The following ME3 variants were observed in gnomAD, a reference collection of about 807,000 sequenced individuals.
ME3 encodes malic enzyme 3, also known as NADP-dependent malic enzyme, mitochondrial.
ME3 carries 48 observed loss-of-function variants against 68.9 expected under a neutral mutation model. That is an observed-to-expected ratio of 0.70 (90% CI 0.55 to 0.89). The LOEUF is 0.89. ME3 is among the 40% of genes least tolerant of loss of function. ME3 has a pLI of 0.00. For missense variants in ME3, 675 were observed against 797.4 expected (o/e 0.85, Z 1.85); for synonymous variants, 320 against 318.8 (o/e 1.00, Z -0.04).
intron 7 of ME3, among the ~76,000 whole-genome samples, chr11:86,480,897 G>A (rs762745368): frequency 1.3e-5 from 2 of 152,232 alleles, no homozygotes; most frequent in South Asian, 4.2e-4. Context: ...CTTTCCTAAT[G>A]TAGGTCCCTG....
chr11:86,637,963 T>G (rs1207783844), intron 2 of ME3, among the ~76,000 whole-genome samples: 4 of 84,868 alleles, frequency 4.7e-5, no homozygotes, highest in African/African-American at 2.0e-4. Flanking sequence ...GACATGCTCA[T>G]GCATACACAC....
chr11:86,514,355 A>G (rs1260548604), intron 4 of ME3, among the ~76,000 whole-genome samples: 1 of 152,164 alleles, frequency 6.6e-6, no homozygotes, highest in African/African-American at 2.4e-5. Context: ...GCAGACACTA[A>G]CCCCTCTGCA....
chr11:86,642,045 A>C (rs933238326), intron 2 of ME3, among the ~76,000 whole-genome samples: 2 of 152,214 alleles, frequency 1.3e-5, no homozygotes, highest in Non-Finnish European at 2.9e-5. Flanking sequence ...AGGCAAGCTA[A>C]AATTCAACCC....
chr11:86,552,770 C>G (rs1016054504), intron 4 of ME3, among the ~76,000 whole-genome samples: 2 of 152,186 alleles, frequency 1.3e-5, no homozygotes, highest in African/African-American at 4.8e-5. Context: ...TAACAAGTGT[C>G]ATAATGTTTT....
intron 2 of ME3, among the ~76,000 whole-genome samples, chr11:86,603,798 G>A (rs9667498): frequency 1 from 151,874 of 151,884 alleles, 75,932 homozygotes; most frequent in Non-Finnish European, 1. Context: ...CTTTGTAGGG[G>A]CATGGATGAA....
intron 2 of ME3, among the ~76,000 whole-genome samples, chr11:86,637,399 T>C (rs553371456): frequency 6.8e-6 from 1 of 146,000 alleles, no homozygotes; most frequent in African/African-American, 2.5e-5. Context: ...ATAAGTGCCA[T>C]GGCAGTGGAA....
chr11:86,445,467 G>C (rs963688058), intron 13 of ME3, among the ~76,000 whole-genome samples: 1 of 152,246 alleles, frequency 6.6e-6, no homozygotes. Flanking sequence ...GCCTCAGTGA[G>C]AAGGAAATGC....
chr11:86,644,647 T>C (rs1432370767), intron 2 of ME3, among the ~76,000 whole-genome samples: 1 of 152,212 alleles, frequency 6.6e-6, no homozygotes, highest in Non-Finnish European at 1.5e-5. Context: ...TGGCTCTTTC[T>C]TTAGGTCTAT....
At chr11:86,546,372 C>T (rs1232661112) in intron 4 of ME3, among the ~76,000 whole-genome samples, 4 of 152,154 alleles carry the variant, frequency 2.6e-5, no homozygotes, top group South Asian at 2.1e-4. Context: ...TCAGAGTGAA[C>T]AGGCAGCCTA....
intron 7 of ME3, among the ~76,000 whole-genome samples, chr11:86,467,712 C>CACACACACACACACACA (rs1471970486): frequency 1.4e-3 from 206 of 150,780 alleles, no homozygotes; most frequent in African/African-American, 5.0e-3. Context: ...CACACACACA[C>CACACACACACACACACA]CCCTTTAAGC....
intron 6 of ME3, among the ~76,000 whole-genome samples, chr11:86,492,733 C>T (rs542833462): frequency 6.6e-6 from 1 of 152,354 alleles, no homozygotes; most frequent in South Asian, 2.1e-4. Context: ...TTGCCCAGCT[C>T]TGCCTCCCGT....
chr11:86,577,675 T>C (rs1488054184), intron 2 of ME3, among the ~76,000 whole-genome samples: 1 of 152,244 alleles, frequency 6.6e-6, no homozygotes, highest in East Asian at 1.9e-4. Flanking sequence ...TTCTATGTTA[T>C]TAACTCAAGT....
At chr11:86,489,833 A>G (rs982685591) in intron 6 of ME3, among the ~76,000 whole-genome samples, 1 of 151,890 alleles carries the variant, frequency 6.6e-6, no homozygotes, top group Non-Finnish European at 1.5e-5. Flanking sequence ...TATTCTTCAC[A>G]GGTGTCTCCC....
chr11:86,457,873 C>T (rs1460482357), intron 8 of ME3: 2 of 1,091,534 alleles, frequency 1.8e-6, no homozygotes, highest in Non-Finnish European at 2.3e-6. Context: ...CACAAAAGGA[C>T]ATGCTGAAAA....
At position 86,487,580 on chromosome 11, in the gene ME3, G is replaced by A. The variant is rs530036045; in HGVS notation, c.706-140C>T. 27 of 654,486 alleles carry A rather than the reference G, an allele frequency of 4.1e-5. 1 individual carries two copies. The highest frequency in any genetic ancestry group is 7.3e-5 in the African/African-American group (4 of 54,954). The allele number at this position is 654,486 out of a possible 1,614,324, so 40.5% of individuals were successfully genotyped here. ...GTAAGAAGGTAACTGGATCCCCCCC[G>A]CCCAGGTGTCATTTCTGAAAGGGTC... On this transcript the variant is annotated intron_variant, in intron 6 of 14. Coordinates refer to ENST00000543262, the Ensembl canonical transcript of ME3.
At chr11:86,578,618 C>T (rs1225490686) in intron 2 of ME3, among the ~76,000 whole-genome samples, 1 of 152,158 alleles carries the variant, frequency 6.6e-6, no homozygotes, top group Non-Finnish European at 1.5e-5. Flanking sequence ...GCTTCAGTCT[C>T]AACTCTGCCA....
chr11:86,550,155 C>A (rs914706219), intron 4 of ME3, among the ~76,000 whole-genome samples: 1 of 152,076 alleles, frequency 6.6e-6, no homozygotes. Flanking sequence ...AGTGCACAGC[C>A]GGGACTGAGA....
At chr11:86,569,733 G>A (rs942633654) in intron 2 of ME3, among the ~76,000 whole-genome samples, 2 of 152,196 alleles carry the variant, frequency 1.3e-5, no homozygotes, top group Admixed American at 1.3e-4. Flanking sequence ...ACTCCGGCAG[G>A]AAGGTATGAT....
chr11:86,654,617 A>G (rs923985792), intron 2 of ME3, among the ~76,000 whole-genome samples: 8 of 152,354 alleles, frequency 5.3e-5, no homozygotes, highest in South Asian at 2.1e-4. Context: ...AGAGCTGTCT[A>G]TGACAAACCC....
Sources: gnomAD v4.1 joint callset for allele counts (sites outside exome capture counted in the v4.1 genomes callset) on GRCh38, gnomAD v4.1.1 for gene constraint, MANE v1.5 for transcripts, NCBI Gene and HGNC (gene_info 2026-07-23, HGNC 2026-07-21) for gene names.